TSPAN11: variants seen among roughly 807,000 people sequenced by gnomAD.
TSPAN11 encodes tetraspanin-11.
TSPAN11 carries 29 observed loss-of-function variants against 32.9 expected under a neutral mutation model. The ratio of observed to expected loss-of-function variants is 0.88; its 90% confidence interval spans 0.66 to 1.20. The LOEUF is 1.20. Ranked by LOEUF, TSPAN11 falls within the 50% of genes most tolerant of loss-of-function variation. TSPAN11 has a pLI of 0.00. For missense variants in TSPAN11, 283 were observed against 329.1 expected (o/e 0.86, Z 1.08); for synonymous variants, 140 against 141.3 (o/e 0.99, Z 0.07).
In TSPAN11 at chr12:30,978,521, C is replaced by A. The variant is rs764638941; in HGVS notation, c.277-40C>A. 2.1e-5 allele frequency: 33 copies of A among 1,603,250 alleles called. No homozygotes were observed. In the African/African-American group the frequency reaches 4.1e-4, roughly 20 times the overall value. The stretch of plus-strand genomic sequence containing the variant: ...GGGGAAACATTTGTCATAGCAGCAA[C>A]CCGATCCCAGTGGTGACCGTCCTCT... On this transcript the variant is annotated intron_variant, in intron 3 of 7. Transcript: ENST00000546076.
At chr12:31,003,200 TAGTC>T in the TSPAN11 span, among the ~76,000 whole-genome samples, 5 of 152,348 alleles carry the variant, frequency 3.3e-5, no homozygotes, top group South Asian at 1.0e-3. Context: ...AATGAGATCA[TAGTC>T]AGGAGACACA....
chr12:31,014,665 T>C, the TSPAN11 span, among the ~76,000 whole-genome samples: 299 of 152,340 alleles, frequency 2.0e-3, no homozygotes, highest in Admixed American at 3.9e-3. Flanking sequence ...TATGTAAACC[T>C]TAAAGGACAG....
chr12:30,992,049 T>C lies in TSPAN11; in HGVS notation c.*134T>C. On this transcript the variant is annotated 3_prime_UTR_variant, in exon 8 of 8. Coordinates refer to ENST00000546076, the MANE Select transcript of TSPAN11 (RefSeq NM_001370302.1). ...CTCCTTTGTGCCTAGCTCCTGCGAATCCACCGAGTGCCTGAGACCATAGCT... is the reference window on the plus strand; with the variant it reads ...CTCCTTTGTGCCTAGCTCCTGCGAACCCACCGAGTGCCTGAGACCATAGCT... 2 of 974,902 alleles carry C rather than the reference T, an allele frequency of 2.1e-6. No homozygotes were observed. The highest frequency in any genetic ancestry group is 2.8e-5 in the South Asian group (2 of 71,174). 60.4% of individuals were successfully genotyped at this position (974,902 alleles called of 1,614,324 possible).
chr12:31,013,508 C>G, the TSPAN11 span, among the ~76,000 whole-genome samples: 402 of 152,044 alleles, frequency 2.6e-3, 2 homozygotes, highest in African/African-American at 9.0e-3. Context: ...CATCTGAGCC[C>G]CAGGAGGTCG....
chr12:30,966,262 G>A (rs529185025), intron 3 of TSPAN11, among the ~76,000 whole-genome samples: 97 of 152,206 alleles, frequency 6.4e-4, no homozygotes, highest in African/African-American at 2.1e-3. Context: ...AGGGGATTCC[G>A]TTGGTGCATT....
Position 30,970,865 on chromosome 12 carries a change from A to G in TSPAN11, c.276+6848A>G, listed in dbSNP as rs187331073. On this transcript the variant is annotated intron_variant, in intron 3 of 7. Coordinates refer to ENST00000546076, the MANE Select transcript of TSPAN11 (RefSeq NM_001370302.1). ...TCTTTTCTGCACAAATGGGCCGGGC[A>G]GCTGCACCTCTGAGCCCACTGCAGT... 4.5e-4 allele frequency among the ~76,000 whole-genome samples: 69 copies of G among 152,326 alleles called. No homozygotes were observed. The Middle Eastern group carries it at 0.017, about 38-fold the overall frequency.
chr12:30,961,957 G>A (rs777496687), intron 2 of TSPAN11, among the ~76,000 whole-genome samples: 15 of 151,986 alleles, frequency 9.9e-5, no homozygotes, highest in African/African-American at 1.9e-4. Flanking sequence ...TGTGTGAGCC[G>A]CAGATAACCT....
intron 3 of TSPAN11, among the ~76,000 whole-genome samples, chr12:30,974,131 C>T (rs1938910458): frequency 6.6e-6 from 1 of 152,250 alleles, no homozygotes; most frequent in South Asian, 2.1e-4. Flanking sequence ...CAGTGCTGCA[C>T]ATGCTTCTGT....
At chr12:30,954,189 G>A (rs1403126087) in intron 2 of TSPAN11, 114 bp downstream of exon 2, 15 of 761,252 alleles carry the variant, frequency 2.0e-5, no homozygotes, top group Middle Eastern at 2.2e-4. Context: ...AAAGATCAAC[G>A]ATCAACCATG....
chr12:30,979,711 A>G (rs771922642), intron 5 of TSPAN11, 41 bp downstream of exon 5: 2 of 1,602,820 alleles, frequency 1.2e-6, no homozygotes, highest in South Asian at 2.2e-5. Flanking sequence ...CAAGCCCACA[A>G]GGATTCAAAT....
rs1482044912 is a variant in TSPAN11 at position 30,975,377 on chromosome 12, A to C, written c.277-3184A>C. Among the ~76,000 whole-genome samples the C allele has an allele frequency of 1.1e-4, 16 of 151,946 alleles. No individual in the cohort carries two copies. The highest frequency in any genetic ancestry group is 2.9e-5 in the Non-Finnish European group (2 of 67,952). Reference sequence around the variant, plus strand: ...GTGGAAGCTGCTGCCTGGAGCCAGCACCTGTGCCCACCAGCACCCGGCCTC... The same window carrying C: ...GTGGAAGCTGCTGCCTGGAGCCAGCCCCTGTGCCCACCAGCACCCGGCCTC... On this transcript the variant is annotated intron_variant, in intron 3 of 7. Transcript: ENST00000546076. The surrounding 1 kb of genome is among the most constrained non-coding windows in gnomAD (Gnocchi z 4.5).
intron 3 of TSPAN11, among the ~76,000 whole-genome samples, chr12:30,966,361 C>T (rs1348582018): frequency 6.6e-6 from 1 of 152,178 alleles, no homozygotes; most frequent in African/African-American, 2.4e-5. Flanking sequence ...CTGGTCACCC[C>T]AGCAGGTGCG....
chr12:30,944,261 CTT>C (rs1233091414), intron 1 of TSPAN11, among the ~76,000 whole-genome samples: 1 of 152,154 alleles, frequency 6.6e-6, no homozygotes, highest in African/African-American at 2.4e-5. Context: ...CATTCACTCT[CTT>C]AGTATTTTTC....
intron 1 of TSPAN11, among the ~76,000 whole-genome samples, chr12:30,951,465 C>A (rs1938380399): frequency 6.6e-6 from 1 of 152,148 alleles, no homozygotes; most frequent in Non-Finnish European, 1.5e-5. Flanking sequence ...AAGCTTGAGC[C>A]CAGAGGCAGA....
chr12:31,009,058 G>T, the TSPAN11 span, among the ~76,000 whole-genome samples: 1 of 151,102 alleles, frequency 6.6e-6, no homozygotes, highest in African/African-American at 2.4e-5. Flanking sequence ...GACACTGCCT[G>T]CCCAATGACT....
Position 30,954,045 on chromosome 12 carries a change from T to C in TSPAN11, c.54T>C (p.Tyr18=). ...ACTGGCTGATCATCTACTTGAAGTATTTACTCTTTGTCTTCAACTTCTTCT... is the reference window on the plus strand; with the variant it reads ...ACTGGCTGATCATCTACTTGAAGTACTTACTCTTTGTCTTCAACTTCTTCT... ...QDDWLIIYLK[Y]LLFVFNFFFW... Residue 18 remains tyrosine, a synonymous_variant, in exon 2 of 8, where the codon TAT becomes TAC. Transcript: ENST00000546076. 6.2e-7 allele frequency: 1 copy of C among 1,613,806 alleles called. No individual in the cohort carries two copies. Among genetic ancestry groups the C allele is most frequent in the African/African-American group, 1.3e-5 (1 of 75,022 alleles).
intron 7 of TSPAN11, among the ~76,000 whole-genome samples, chr12:30,990,468 G>A (rs1469746770): frequency 6.6e-6 from 1 of 152,208 alleles, no homozygotes; most frequent in Non-Finnish European, 1.5e-5. Context: ...TGGGTGGAAC[G>A]GCATGACGGC....
At position 30,964,045 on chromosome 12, in the gene TSPAN11, G is replaced by A. The variant is rs1938676384; in HGVS notation, c.276+28G>A. ...CAGTGCCCGCCCTGTGCTCTGCAGG[G>A]ATGGGGAGCCCTGCACCACCCAGTC... On this transcript the variant is annotated intron_variant, in intron 3 of 7. Transcript: ENST00000546076. The A allele has an allele frequency of 1.9e-6, 3 of 1,604,614 alleles. No individual in the cohort carries two copies. In the East Asian group the frequency reaches 6.7e-5, roughly 36 times the overall value.
At chr12:31,008,872 G>C in the TSPAN11 span, among the ~76,000 whole-genome samples, 1 of 152,126 alleles carries the variant, frequency 6.6e-6, no homozygotes, top group East Asian at 1.9e-4. Flanking sequence ...TGCGCCATTC[G>C]ACCCAGGCTT....
Sources: gnomAD v4.1 joint callset for allele counts (sites outside exome capture counted in the v4.1 genomes callset) on GRCh38, gnomAD v4.1.1 for gene constraint, Gnocchi (gnomAD v3.1) non-coding constraint, MANE v1.5 for transcripts, NCBI Gene and HGNC (gene_info 2026-07-23, HGNC 2026-07-21) for gene names.